The following RSRC1 variants were observed in gnomAD, a reference collection of about 807,000 sequenced individuals.
The protein encoded by RSRC1 is serine/Arginine-related protein 53.
A neutral mutation model predicts 49.1 loss-of-function variants in RSRC1; 39 were observed. That is an observed-to-expected ratio of 0.79 (90% CI 0.61 to 1.04). The LOEUF (loss-of-function observed/expected upper bound fraction) is 1.04. Ranked by LOEUF, RSRC1 falls within the 50% of genes least tolerant of loss-of-function variation. The pLI, the probability that RSRC1 is intolerant of heterozygous loss-of-function variation, is 0.00. For synonymous variants in RSRC1, 143 were observed against 130.8 expected, an observed-to-expected ratio of 1.09 and a Z score of -0.63; for missense variants, 388 against 402.4, an observed-to-expected ratio of 0.96 and a Z score of 0.31.
At chr3:158,120,934 A>G (rs1483401479) in intron 1 of RSRC1, among the ~76,000 whole-genome samples, 1 of 151,366 alleles carries the variant, frequency 6.6e-6, no homozygotes, top group Non-Finnish European at 1.5e-5. Flanking sequence ...AATTAAAGTA[A>G]GACAACTAAG....
chr3:158,371,438 T>G (rs1317827450), intron 6 of RSRC1, among the ~76,000 whole-genome samples: 1 of 151,812 alleles, frequency 6.6e-6, no homozygotes, highest in Non-Finnish European at 1.5e-5. Context: ...TTTTTTTTTG[T>G]CCTTACACTT....
intron 6 of RSRC1, among the ~76,000 whole-genome samples, chr3:158,439,327 G>T (rs990796096): frequency 2.0e-5 from 3 of 152,052 alleles, no homozygotes; most frequent in Non-Finnish European, 2.9e-5. Flanking sequence ...TCTACCCAAA[G>T]GACTATAAAT....
At chr3:158,448,420 T>C (rs1279987595) in intron 6 of RSRC1, among the ~76,000 whole-genome samples, 1 of 151,868 alleles carries the variant, frequency 6.6e-6, no homozygotes, top group Non-Finnish European at 1.5e-5. Context: ...GCAGCAGGAC[T>C]GGAGAAGATA....
At chr3:158,286,478 G>T (rs949944149) in intron 4 of RSRC1, among the ~76,000 whole-genome samples, 1 of 152,150 alleles carries the variant, frequency 6.6e-6, no homozygotes, top group African/African-American at 2.4e-5. Flanking sequence ...CTCACAGGTG[G>T]AATCTCTGAG....
chr3:158,232,351 T>TC (rs1189357190), intron 4 of RSRC1, among the ~76,000 whole-genome samples: 1 of 152,142 alleles, frequency 6.6e-6, no homozygotes, highest in Non-Finnish European at 1.5e-5. Flanking sequence ...CAAAAAGTAG[T>TC]CCCATATTTT....
intron 7 of RSRC1, among the ~76,000 whole-genome samples, chr3:158,477,808 A>T (rs1292545775): frequency 3.6e-5 from 3 of 84,164 alleles, no homozygotes; most frequent in Non-Finnish European, 5.7e-5. Flanking sequence ...TTATATATAT[A>T]TATATATATA....
rs369868485 is a variant in RSRC1 at position 158,201,598 on chromosome 3, G to A, written c.321-1474G>A. 1.6e-4 allele frequency among the ~76,000 whole-genome samples: 24 copies of A among 152,144 alleles called. 1 individual carries two copies. In the South Asian group the frequency reaches 4.6e-3, roughly 29 times the overall value. ...GTAATTTTGATTGATTTATTTGCAT[G>A]TATACAGATTCTTTCCTCTGTTATT... On this transcript the variant is annotated intron_variant, in intron 3 of 9. Coordinates refer to ENST00000611884, the MANE Select transcript of RSRC1 (RefSeq NM_001271838.2).
chr3:158,372,949 G>A (rs769119062), intron 6 of RSRC1, among the ~76,000 whole-genome samples: 4 of 151,692 alleles, frequency 2.6e-5, no homozygotes, highest in Admixed American at 6.6e-5. Context: ...CATGTTCTGG[G>A]CATCATTGTA....
intron 6 of RSRC1, among the ~76,000 whole-genome samples, chr3:158,450,156 A>AG (rs1467754511): frequency 6.6e-6 from 1 of 151,982 alleles, no homozygotes; most frequent in East Asian, 1.9e-4. Context: ...AACAATGATA[A>AG]GGAGCACAGT....
At chr3:158,424,895 A>G (rs1357711240) in intron 6 of RSRC1, among the ~76,000 whole-genome samples, 1 of 151,840 alleles carries the variant, frequency 6.6e-6, no homozygotes. Flanking sequence ...CTCTGATGGT[A>G]GTTTGTATTT....
chr3:158,325,645 T>A (rs1035732933), intron 5 of RSRC1, among the ~76,000 whole-genome samples: 1 of 152,214 alleles, frequency 6.6e-6, no homozygotes, highest in African/African-American at 2.4e-5. Flanking sequence ...TGTAGTATTG[T>A]TTGAAGTCAG....
At chr3:158,218,345 C>T (rs973557485) in intron 4 of RSRC1, among the ~76,000 whole-genome samples, 1 of 151,418 alleles carries the variant, frequency 6.6e-6, no homozygotes, top group Non-Finnish European at 1.5e-5. Context: ...GTAGCTTGGG[C>T]CAGGGATTTG....
intron 4 of RSRC1, among the ~76,000 whole-genome samples, chr3:158,268,189 T>C (rs1335052656): frequency 1.3e-5 from 2 of 152,196 alleles, no homozygotes; most frequent in Admixed American, 6.5e-5. Flanking sequence ...AGCTTTACAA[T>C]GTGTCCTCAG....
intron 6 of RSRC1, among the ~76,000 whole-genome samples, chr3:158,396,660 A>C (rs1733628085): frequency 6.6e-6 from 1 of 152,134 alleles, no homozygotes; most frequent in Non-Finnish European, 1.5e-5. Flanking sequence ...GGCAAACTGT[A>C]GTGCCGTGGT....
chr3:158,205,410 C>T (rs960546652), intron 4 of RSRC1, among the ~76,000 whole-genome samples: 2 of 152,076 alleles, frequency 1.3e-5, no homozygotes, highest in African/African-American at 2.4e-5. Context: ...CAAATATGCA[C>T]ATTCATTCAT....
At chr3:158,157,524 A>T (rs930752141) in intron 3 of RSRC1, among the ~76,000 whole-genome samples, 36 of 152,194 alleles carry the variant, frequency 2.4e-4, no homozygotes, top group African/African-American at 8.2e-4. Flanking sequence ...TTTTCTGATC[A>T]GTCTTATCAG....
chr3:158,299,071 G>A (rs182423551), intron 5 of RSRC1, among the ~76,000 whole-genome samples: 6 of 152,092 alleles, frequency 3.9e-5, no homozygotes, highest in Admixed American at 3.9e-4. Flanking sequence ...TTAAAAAGGA[G>A]GATATAATAG....
intron 3 of RSRC1, among the ~76,000 whole-genome samples, chr3:158,196,744 G>T (rs1010076526): frequency 6.6e-6 from 1 of 152,002 alleles, no homozygotes; most frequent in Non-Finnish European, 1.5e-5. Context: ...CCTTTTCTGT[G>T]TGTATTGAGA....
At chr3:158,312,536 T>G (rs116096977) in intron 5 of RSRC1, among the ~76,000 whole-genome samples, 2 of 152,170 alleles carry the variant, frequency 1.3e-5, no homozygotes, top group African/African-American at 4.8e-5. Flanking sequence ...TTGTAAATTA[T>G]AAGTTTTTAG....
Sources: allele counts gnomAD v4.1 joint callset (sites outside exome capture counted in the v4.1 genomes callset), GRCh38; gene constraint gnomAD v4.1.1; transcripts MANE v1.5; gene names NCBI Gene and HGNC (gene_info 2026-07-23, HGNC 2026-07-21).